Variants in PDE10A observed in about 807,000 individuals in gnomAD.
PDE10A encodes the protein phosphodiesterase 10A, also known as cAMP and cAMP-inhibited cGMP 3',5'-cyclic phosphodiesterase 10A.
Under a neutral mutation model 97.7 loss-of-function variants are expected in PDE10A, and 39 were observed. That is an observed-to-expected ratio of 0.40 (90% CI 0.31 to 0.52). The LOEUF (loss-of-function observed/expected upper bound fraction) is 0.52, where lower values mean the gene tolerates loss of function less well. Ranked by LOEUF, PDE10A falls within the 20% of genes least tolerant of loss-of-function variation. The pLI, the probability that PDE10A is intolerant of heterozygous loss-of-function variation, is 0.56. For missense variants in PDE10A, 731 were observed against 1,047.8 expected, an observed-to-expected ratio of 0.70 and a Z score of 4.17; for synonymous variants, 371 against 376.8, an observed-to-expected ratio of 0.98 and a Z score of 0.18.
At chr6:165,890,070 C>G (rs1781748979) in intron 1 of PDE10A, among the ~76,000 whole-genome samples, 1 of 141,404 alleles carries the variant, frequency 7.1e-6, no homozygotes, top group African/African-American at 2.6e-5. Flanking sequence ...CCCTCCCTCA[C>G]TCCTCACTCA....
At chr6:165,915,979 G>T (rs909620312) in intron 1 of PDE10A, among the ~76,000 whole-genome samples, 1 of 152,208 alleles carries the variant, frequency 6.6e-6, no homozygotes, top group Non-Finnish European at 1.5e-5. Context: ...TGATATGGAG[G>T]TATCCCTCAA....
chr6:165,848,922 C>G lies in PDE10A; in HGVS notation c.-615+138607G>C, dbSNP rs534853294. Among the ~76,000 whole-genome samples, 19 of 152,282 alleles carry G rather than the reference C, an allele frequency of 1.2e-4. No individual in the cohort carries two copies. The East Asian group carries it at 3.7e-3, about 29-fold the overall frequency. ...TCTCACCCAGAGTCTCTGGAAGGAGCCAGCCTGTGAGAGGCACTGCTGCCC... is the reference window on the plus strand; with the variant it reads ...TCTCACCCAGAGTCTCTGGAAGGAGGCAGCCTGTGAGAGGCACTGCTGCCC... On this transcript the variant is annotated intron_variant, in intron 1 of 19. Coordinates refer to the PDE10A transcript ENST00000366882.
intron 3 of PDE10A, among the ~76,000 whole-genome samples, chr6:165,468,698 T>A (rs1778809472): frequency 6.6e-6 from 1 of 152,198 alleles, no homozygotes; most frequent in African/African-American, 2.4e-5. Context: ...AAACAAGAAA[T>A]TATCAACTTG....
At chr6:165,761,558 A>G (rs1793251350) in intron 1 of PDE10A, among the ~76,000 whole-genome samples, 1 of 152,180 alleles carries the variant, frequency 6.6e-6, no homozygotes, top group Non-Finnish European at 1.5e-5. Context: ...TAAATTTAGA[A>G]TGATCAACGT....
At chr6:165,435,050 T>C (rs1382047539) in intron 6 of PDE10A, among the ~76,000 whole-genome samples, 187 bp downstream of exon 6, 1 of 152,250 alleles carries the variant, frequency 6.6e-6, no homozygotes, top group Non-Finnish European at 1.5e-5. Flanking sequence ...CACATTTAGC[T>C]GTTAGTGGGT....
At chr6:165,752,889 C>G (rs113283926) in intron 1 of PDE10A, among the ~76,000 whole-genome samples, 1 of 152,176 alleles carries the variant, frequency 6.6e-6, no homozygotes, top group African/African-American at 2.4e-5. Flanking sequence ...AGATGCTGCT[C>G]GACGTATGAA....
At chr6:165,589,880 T>A (rs893142252) in intron 1 of PDE10A, among the ~76,000 whole-genome samples, 4 of 152,180 alleles carry the variant, frequency 2.6e-5, no homozygotes, top group African/African-American at 4.8e-5. Context: ...ACAAAAAAAA[T>A]TCAGATACAT....
intron 2 of PDE10A, among the ~76,000 whole-genome samples, chr6:165,513,841 T>C (rs1300752870): frequency 2.6e-5 from 4 of 152,148 alleles, no homozygotes; most frequent in African/African-American, 4.8e-5. Context: ...TTTTTGTACA[T>C]TGACCATGTA....
At position 165,567,993 on chromosome 6, in the gene PDE10A, CA is replaced by C. The variant is rs1261532959; in HGVS notation, c.866-24426del. 3.6e-4 allele frequency among the ~76,000 whole-genome samples: 42 copies of C among 115,620 alleles called. 1 individual carries two copies. Among genetic ancestry groups the C allele is most frequent in the Non-Finnish European group, 5.7e-4 (33 of 58,376 alleles). The allele number at this position is 115,620 out of a possible 152,430, so 75.9% of individuals were successfully genotyped here. On this transcript the variant is annotated intron_variant, in intron 1 of 21. Coordinates refer to ENST00000539869, the MANE Select transcript of PDE10A (RefSeq NM_001385079.1). Reference sequence around the variant, plus strand: ...AGCACACAATAGGTACGCAACAAGGCATTTTTTTTTTTTTTTTTTTTTTGAG... The same window carrying C: ...AGCACACAATAGGTACGCAACAAGGCTTTTTTTTTTTTTTTTTTTTTTGAG...
At chr6:165,622,839 C>A (rs1788209637) in intron 1 of PDE10A, among the ~76,000 whole-genome samples, 1 of 152,202 alleles carries the variant, frequency 6.6e-6, no homozygotes, top group South Asian at 2.1e-4. Context: ...ATCCCCAATG[C>A]TGGAGGTGGG....
At chr6:165,638,182 C>T (rs1282817866) in intron 1 of PDE10A, among the ~76,000 whole-genome samples, 2 of 152,034 alleles carry the variant, frequency 1.3e-5, no homozygotes, top group Non-Finnish European at 2.9e-5. Context: ...CCACCACCCT[C>T]CCCCCACCAA....
intron 1 of PDE10A, among the ~76,000 whole-genome samples, chr6:165,570,237 A>G (rs572755921): frequency 6.6e-6 from 1 of 152,330 alleles, no homozygotes; most frequent in East Asian, 1.9e-4. Context: ...AAAAGGCAGA[A>G]TGAATCTTTT....
rs1044748125 is a variant in PDE10A, at chr6:165,655,881, T to A, written c.865+6066A>T. On this transcript the variant is annotated intron_variant, in intron 1 of 21. Coordinates refer to ENST00000539869, the MANE Select transcript of PDE10A (RefSeq NM_001385079.1). This position sits in a 1 kb window ranked among gnomAD's most constrained non-coding sequence, Gnocchi z 4.5. ...CGGCCGTCACCCCGCTCCTCTGCCTTGTGAGCCCCCTCTGCCTAGGGTGCT... is the reference window on the plus strand; with the variant it reads ...CGGCCGTCACCCCGCTCCTCTGCCTAGTGAGCCCCCTCTGCCTAGGGTGCT... Among the ~76,000 whole-genome samples the A allele has an allele frequency of 3.3e-5, 5 of 152,054 alleles. No homozygotes were observed. The highest frequency in any genetic ancestry group is 1.2e-4 in the African/African-American group (5 of 41,418).
intron 1 of PDE10A, among the ~76,000 whole-genome samples, chr6:165,891,949 AC>A (rs1174818493): frequency 4.6e-5 from 3 of 65,922 alleles, no homozygotes; most frequent in Non-Finnish European, 8.7e-5. Flanking sequence ...AACACCTTGG[AC>A]TTTTTTTTTT....
intron 1 of PDE10A, among the ~76,000 whole-genome samples, chr6:165,903,664 C>T (rs1242841578): frequency 6.6e-6 from 1 of 152,026 alleles, no homozygotes; most frequent in Non-Finnish European, 1.5e-5. Context: ...GTGGAGGTAA[C>T]ATTTTGGGAA....
intron 1 of PDE10A, among the ~76,000 whole-genome samples, chr6:165,569,945 T>A (rs969837987): frequency 6.6e-6 from 1 of 152,178 alleles, no homozygotes. Flanking sequence ...AAAAATTACC[T>A]GTTTTAACCA....
At chr6:165,861,632 G>C (rs1161571929) in intron 1 of PDE10A, among the ~76,000 whole-genome samples, 2 of 151,982 alleles carry the variant, frequency 1.3e-5, no homozygotes, top group East Asian at 3.9e-4. Flanking sequence ...AGGACAGATG[G>C]GAGTTCGCTG....
intron 1 of PDE10A, among the ~76,000 whole-genome samples, chr6:165,609,644 G>C (rs901143647): frequency 6.6e-6 from 1 of 152,160 alleles, no homozygotes; most frequent in Non-Finnish European, 1.5e-5. Context: ...TAAGCTGATA[G>C]GCAACTTCAG....
At chr6:165,640,995 T>C (rs1185714224) in intron 1 of PDE10A, among the ~76,000 whole-genome samples, 2 of 152,208 alleles carry the variant, frequency 1.3e-5, no homozygotes, top group East Asian at 3.9e-4. Context: ...CTTAAATCGG[T>C]GACCTCAGCA....
Sources: gnomAD v4.1 joint callset for allele counts (sites outside exome capture counted in the v4.1 genomes callset) on GRCh38, gnomAD v4.1.1 for gene constraint, Gnocchi (gnomAD v3.1) non-coding constraint, MANE v1.5 for transcripts, NCBI Gene and HGNC (gene_info 2026-07-23, HGNC 2026-07-21) for gene names.